The following ANKS1B variants were observed in gnomAD, a reference collection of about 807,000 sequenced individuals.
ANKS1B encodes the protein ankyrin repeat and sterile alpha motif domain containing 1B, also known as ankyrin repeat and sterile alpha motif domain-containing protein 1B.
Under a neutral mutation model 148.3 loss-of-function variants are expected in ANKS1B, and 36 were observed. The observed-to-expected ratio is 0.24, with a 90% confidence interval of 0.19 to 0.32. The LOEUF (loss-of-function observed/expected upper bound fraction) is 0.32. Among genes scored for constraint, ANKS1B ranks in the 10% least tolerant of loss-of-function variants. The pLI is 1.00. For missense variants in ANKS1B, 1,157 were observed against 1,542.6 expected (o/e 0.75, Z 4.19); for synonymous variants, 542 against 560.8 (o/e 0.97, Z 0.47).
chr12:99,415,635 T>C (rs2094873404), intron 11 of ANKS1B, among the ~76,000 whole-genome samples: 1 of 152,188 alleles, frequency 6.6e-6, no homozygotes, highest in African/African-American at 2.4e-5. Context: ...TAGTGCAACA[T>C]CGTAAAAAGG....
At chr12:98,748,804 C>CA (rs1201139466) in intron 26 of ANKS1B, among the ~76,000 whole-genome samples, 1 of 152,178 alleles carries the variant, frequency 6.6e-6, no homozygotes, top group African/African-American at 2.4e-5. Flanking sequence ...TTATGCCACC[C>CA]AACCCTTTGT....
intron 17 of ANKS1B, among the ~76,000 whole-genome samples, chr12:98,981,954 A>G (rs2099911575): frequency 6.6e-6 from 1 of 152,226 alleles, no homozygotes; most frequent in Non-Finnish European, 1.5e-5. Flanking sequence ...TCAGTCACCA[A>G]CCATTAATTA....
chr12:99,959,677 A>G (rs1300162275), intron 1 of ANKS1B, among the ~76,000 whole-genome samples: 2 of 152,222 alleles, frequency 1.3e-5, no homozygotes, highest in Non-Finnish European at 2.9e-5. Context: ...GCCAAAAAAA[A>G]GCATAACGCT....
chr12:99,639,521 CA>C (rs1039337939), intron 9 of ANKS1B, among the ~76,000 whole-genome samples: 3 of 152,038 alleles, frequency 2.0e-5, no homozygotes, highest in Admixed American at 6.6e-5. Context: ...GTGTCCCCAC[CA>C]AAATCTCATC....
At chr12:99,774,291 A>T (rs2063457041) in intron 7 of ANKS1B, among the ~76,000 whole-genome samples, 1 of 152,146 alleles carries the variant, frequency 6.6e-6, no homozygotes, top group Non-Finnish European at 1.5e-5. Flanking sequence ...AATAGCAAAA[A>T]CACAAATAAC....
intron 17 of ANKS1B, among the ~76,000 whole-genome samples, chr12:98,958,748 G>C (rs1216639665): frequency 6.6e-6 from 1 of 152,158 alleles, no homozygotes; most frequent in African/African-American, 2.4e-5. Flanking sequence ...CTGCACAAAA[G>C]AGCCAGTACA....
intron 8 of ANKS1B, among the ~76,000 whole-genome samples, chr12:99,679,453 A>G (rs117486998): frequency 0.01 from 1,546 of 152,194 alleles, 8 homozygotes; most frequent in Middle Eastern, 0.02. Flanking sequence ...GACTACAGGT[A>G]TGTACCAACA....
rs372721906 is a variant in ANKS1B at position 98,982,284 on chromosome 12, G to A, written c.2778+70873C>T. On this transcript the variant is annotated intron_variant, in intron 17 of 26. Transcript: ENST00000683438. ...GATTCTGATTCAGGAGTCTGGGGTG[G>A]GGCCTACCTCTGTAGTTCTAAAAAA... 8.1e-4 allele frequency among the ~76,000 whole-genome samples: 123 copies of A among 151,490 alleles called. 1 individual carries two copies. Among genetic ancestry groups the A allele is most frequent in the African/African-American group, 2.9e-3 (121 of 41,300 alleles).
At chr12:99,603,707 G>A (rs931710632) in intron 9 of ANKS1B, among the ~76,000 whole-genome samples, 1 of 151,964 alleles carries the variant, frequency 6.6e-6, no homozygotes, top group Non-Finnish European at 1.5e-5. Context: ...TGTTTACAAA[G>A]TTATACTTTA....
chr12:99,233,214 C>T (rs1487453695), intron 14 of ANKS1B, among the ~76,000 whole-genome samples: 1 of 152,050 alleles, frequency 6.6e-6, no homozygotes. Flanking sequence ...TAATTGAAAT[C>T]TGAAACACTT....
chr12:98,947,729 C>T (rs2099847584), intron 17 of ANKS1B, among the ~76,000 whole-genome samples: 1 of 152,180 alleles, frequency 6.6e-6, no homozygotes, highest in Non-Finnish European at 1.5e-5. Flanking sequence ...TCAGGTAGGA[C>T]CGAAGTGATG....
intron 11 of ANKS1B, among the ~76,000 whole-genome samples, chr12:99,422,744 T>C (rs771806396): frequency 2.0e-5 from 3 of 152,144 alleles, no homozygotes; most frequent in African/African-American, 7.2e-5. Context: ...TGCATAGCTA[T>C]GGGAGATACT....
At chr12:99,833,582 CT>C (rs1216583565) in intron 1 of ANKS1B, among the ~76,000 whole-genome samples, 6 of 152,184 alleles carry the variant, frequency 3.9e-5, no homozygotes, top group Admixed American at 1.3e-4. Context: ...CTAGAAAAAG[CT>C]GCAAGGGCAG....
At chr12:99,348,792 A>AG (rs1422097735) in intron 12 of ANKS1B, among the ~76,000 whole-genome samples, 3 of 151,966 alleles carry the variant, frequency 2.0e-5, no homozygotes, top group African/African-American at 7.2e-5. Flanking sequence ...GAAATGTTAA[A>AG]GGGAGTTCTT....
intron 24 of ANKS1B, among the ~76,000 whole-genome samples, chr12:98,777,571 A>G (rs1334166249): frequency 6.6e-6 from 1 of 152,178 alleles, no homozygotes; most frequent in East Asian, 1.9e-4. Flanking sequence ...TCCCTGCTAG[A>G]GCAACCTTTG....
chr12:99,331,865 C>T (rs927654173), intron 12 of ANKS1B, among the ~76,000 whole-genome samples: 1 of 151,938 alleles, frequency 6.6e-6, no homozygotes, highest in Non-Finnish European at 1.5e-5. Context: ...AAAAATCACA[C>T]AGACTGAATC....
intron 11 of ANKS1B, among the ~76,000 whole-genome samples, chr12:99,423,526 C>T (rs2152722860): frequency 6.6e-6 from 1 of 152,282 alleles, no homozygotes; most frequent in East Asian, 1.9e-4. Flanking sequence ...CATAAAGACA[C>T]ATGCACTTGC....
chr12:99,017,890 C>T (rs1264438404), intron 17 of ANKS1B, among the ~76,000 whole-genome samples: 1 of 152,156 alleles, frequency 6.6e-6, no homozygotes, highest in Non-Finnish European at 1.5e-5. Context: ...TTGAACTAGT[C>T]TCACTAGTAT....
chr12:98,891,837 G>A (rs935162656), intron 17 of ANKS1B, among the ~76,000 whole-genome samples: 6 of 151,914 alleles, frequency 3.9e-5, no homozygotes, highest in Non-Finnish European at 5.9e-5. Flanking sequence ...CCCACAGAAG[G>A]AAAAAAATGG....
Sources: allele counts gnomAD v4.1 joint callset (sites outside exome capture counted in the v4.1 genomes callset), GRCh38; gene constraint gnomAD v4.1.1; transcripts MANE v1.5; gene names NCBI Gene and HGNC (gene_info 2026-07-23, HGNC 2026-07-21).